Variants in NTN1 observed in about 807,000 individuals in gnomAD.
NTN1 encodes netrin 1.
In NTN1, 11 loss-of-function variants were observed where a neutral mutation model predicts 54.2. That is an observed-to-expected ratio of 0.20 (90% CI 0.13 to 0.34). The LOEUF is 0.34. Among genes scored for constraint, NTN1 ranks in the 10% least tolerant of loss-of-function variants. The pLI is 1.00. For synonymous variants in NTN1, 371 were observed against 382.0 expected, an observed-to-expected ratio of 0.97 and a Z score of 0.33; for missense variants, 740 against 893.1, an observed-to-expected ratio of 0.83 and a Z score of 2.18.
rs2091874622 is a variant in NTN1, at chr17:9,027,360, T to C, written c.1018+3969T>C. The stretch of plus-strand genomic sequence containing the variant: ...CTACGCTAATAATAGGGACTGTAAT[T>C]GTACTTCTTTTAGAGATGAGGAAAC... On this transcript the variant is annotated intron_variant, in intron 2 of 6. Transcript: ENST00000173229. Among the ~76,000 whole-genome samples the C allele has an allele frequency of 2.0e-5, 3 of 152,316 alleles. No homozygotes were observed. In the South Asian group the frequency reaches 6.2e-4, roughly 32 times the overall value.
chr17:9,191,162 G>C (rs1287987979), intron 5 of NTN1, among the ~76,000 whole-genome samples: 1 of 152,094 alleles, frequency 6.6e-6, no homozygotes, highest in Non-Finnish European at 1.5e-5. Flanking sequence ...GAAAGATTTT[G>C]AATAAATAAT....
chr17:9,082,015 A>G (rs2092072732), intron 2 of NTN1, among the ~76,000 whole-genome samples: 1 of 152,088 alleles, frequency 6.6e-6, no homozygotes, highest in African/African-American at 2.4e-5. Flanking sequence ...AAGTGGTGTG[A>G]TTCCTCAGAC....
At chr17:9,045,133 A>C (rs1161401765) in intron 2 of NTN1, among the ~76,000 whole-genome samples, 1 of 152,176 alleles carries the variant, frequency 6.6e-6, no homozygotes, top group Non-Finnish European at 1.5e-5. Flanking sequence ...ATAGGATTAG[A>C]AGCAAAGAAG....
intron 2 of NTN1, among the ~76,000 whole-genome samples, chr17:9,031,020 G>A (rs8065243): frequency 0.14 from 21,134 of 152,074 alleles, 1,664 homozygotes; most frequent in Non-Finnish European, 0.18. Flanking sequence ...CCCCCTCCTG[G>A]CTGGTGCTAT....
the NTN1 span, among the ~76,000 whole-genome samples, chr17:9,007,875 G>A: frequency 3.3e-5 from 5 of 152,148 alleles, no homozygotes; most frequent in Admixed American, 2.0e-4. Flanking sequence ...GGGACCACAG[G>A]TGCAAGCCAC....
intron 2 of NTN1, among the ~76,000 whole-genome samples, chr17:9,087,542 G>A (rs2092093722): frequency 6.6e-6 from 1 of 152,190 alleles, no homozygotes; most frequent in Non-Finnish European, 1.5e-5. Context: ...GGGCAGTGGA[G>A]CTGAGAAGGG....
intron 2 of NTN1, among the ~76,000 whole-genome samples, chr17:9,063,052 G>T (rs2092003780): frequency 1.3e-5 from 2 of 151,606 alleles, no homozygotes; most frequent in South Asian, 2.1e-4. Flanking sequence ...CAAAGGGAAA[G>T]ACTATTTTTT....
intron 2 of NTN1, among the ~76,000 whole-genome samples, chr17:9,118,933 G>A (rs561935716): frequency 2.6e-5 from 4 of 152,088 alleles, no homozygotes; most frequent in Non-Finnish European, 4.4e-5. Context: ...CCATTTCTTT[G>A]CCATTGAGAA....
chr17:9,182,524 T>A (rs2142319413), intron 4 of NTN1, among the ~76,000 whole-genome samples: 1 of 152,262 alleles, frequency 6.6e-6, no homozygotes, highest in South Asian at 2.1e-4. Flanking sequence ...CACCTGTGAG[T>A]TGAGCTTAGA....
At position 9,239,986 on chromosome 17, in the gene NTN1, G is replaced by T; in HGVS notation, c.*18G>T. On this transcript the variant is annotated 3_prime_UTR_variant, in exon 7 of 7. Coordinates refer to ENST00000173229, the MANE Select transcript of NTN1 (RefSeq NM_004822.3). This position sits in a 1 kb window ranked among gnomAD's most constrained non-coding sequence, Gnocchi z 5.2. ...AGGCCTAGCGCCGAGGCAGCGGGCG[G>T]GCGGGCGGGCGGGCGCCAGGGCGGG... The T allele has an allele frequency of 3.1e-6, 4 of 1,285,336 alleles. No homozygotes were observed. In the South Asian group the frequency reaches 6.6e-5, roughly 21 times the overall value. The allele number at this position is 1,285,336 out of a possible 1,614,324, so 79.6% of individuals were successfully genotyped here.
At chr17:9,022,164 C>T (rs2091851510) in intron 1 of NTN1, 147 bp from the exon 2 acceptor site, 3 of 503,178 alleles carry the variant, frequency 6.0e-6, no homozygotes, top group Non-Finnish European at 9.2e-6. Context: ...TCGCCGCCCG[C>T]GGGACTTTGG....
intron 5 of NTN1, among the ~76,000 whole-genome samples, chr17:9,214,913 C>G (rs574487098): frequency 9.9e-5 from 15 of 152,134 alleles, no homozygotes; most frequent in Non-Finnish European, 1.8e-4. Context: ...ATCCATTTAC[C>G]TTCATTGTTT....
intron 6 of NTN1, among the ~76,000 whole-genome samples, chr17:9,238,732 TTTA>T (rs1442973929): frequency 1.1e-4 from 16 of 152,236 alleles, no homozygotes. Flanking sequence ...AAGTTTCTCA[TTTA>T]TTTAGCGTCT....
rs143819661 is a variant in NTN1, at chr17:9,206,905, C to A, written c.1412-14263C>A. Among the ~76,000 whole-genome samples the A allele has an allele frequency of 4.9e-4, 74 of 152,298 alleles. No homozygotes were observed. In the East Asian group the frequency reaches 0.011, roughly 23 times the overall value. On this transcript the variant is annotated intron_variant, in intron 5 of 6. Coordinates refer to ENST00000173229, the MANE Select transcript of NTN1 (RefSeq NM_004822.3). ...AAGCTTCGCTTTTTAAGTTTTGCAG[C>A]ATTTTCCAAAATTGCCTTTTTCTGC...
rs549077055 is a variant in NTN1 at position 9,162,449 on chromosome 17, G to C, written c.1019-364G>C. On this transcript the variant is annotated intron_variant, in intron 2 of 6. Transcript: ENST00000173229. ...CTCTCCTCCGTGCACATGCGTCCCT[G>C]CGTCTCTCTGTGTCCTCATCTCCTC... Among the ~76,000 whole-genome samples, 16 of 151,972 alleles carry C rather than the reference G, an allele frequency of 1.1e-4. No individual in the cohort carries two copies. The South Asian group carries it at 3.3e-3, about 32-fold the overall frequency.
chr17:9,155,841 C>T (rs975694569), intron 2 of NTN1, among the ~76,000 whole-genome samples: 3 of 152,152 alleles, frequency 2.0e-5, no homozygotes, highest in African/African-American at 7.2e-5. Flanking sequence ...GTTTAGCGAC[C>T]TCTCTGGTTT....
intron 2 of NTN1, among the ~76,000 whole-genome samples, chr17:9,085,236 C>A (rs529765035): frequency 1.1e-4 from 17 of 152,314 alleles, no homozygotes; most frequent in African/African-American, 4.1e-4. Context: ...GAGCAGAACC[C>A]AGCCCCCTGT....
At chr17:9,184,476 C>T (rs1211471909) in intron 5 of NTN1, among the ~76,000 whole-genome samples, 3 of 152,178 alleles carry the variant, frequency 2.0e-5, no homozygotes, top group Non-Finnish European at 4.4e-5. Context: ...AGGTAGAAGA[C>T]ACTTAAATGA....
intron 5 of NTN1, among the ~76,000 whole-genome samples, chr17:9,202,244 A>G (rs1159527269): frequency 1.3e-5 from 2 of 151,900 alleles, no homozygotes; most frequent in Non-Finnish European, 2.9e-5. Context: ...CCATCTCAAA[A>G]AAAAAGATAT....
Sources: allele counts gnomAD v4.1 joint callset (sites outside exome capture counted in the v4.1 genomes callset), GRCh38; gene constraint gnomAD v4.1.1; non-coding constraint Gnocchi (gnomAD v3.1); transcripts MANE v1.5; gene names NCBI Gene and HGNC (gene_info 2026-07-23, HGNC 2026-07-21).